Variants in DNAH10 observed in about 807,000 individuals in gnomAD.
The protein encoded by DNAH10 is axonemal beta dynein heavy chain 10.
Under a neutral mutation model 506.6 loss-of-function variants are expected in DNAH10, and 348 were observed. The observed-to-expected ratio is 0.69, with a 90% CI of 0.63 to 0.75. DNAH10 has a LOEUF of 0.75. Ranked by LOEUF, DNAH10 falls within the 30% of genes least tolerant of loss-of-function variation. The pLI is 0.00. For synonymous variants in DNAH10, 2,059 were observed against 2,198.6 expected, an observed-to-expected ratio of 0.94 and a Z score of 1.78; for missense variants, 5,179 against 5,787.1, an observed-to-expected ratio of 0.89 and a Z score of 3.41.
intron 34 of DNAH10, 143 bp downstream of exon 34, chr12:123,849,025 G>A (rs1951062904): frequency 1.9e-6 from 2 of 1,057,804 alleles, no homozygotes; most frequent in Non-Finnish European, 2.7e-6. Context: ...TTTTCCAATT[G>A]AGATGATTGG....
At chr12:123,843,069 A>G (rs1157835158) in intron 30 of DNAH10, among the ~76,000 whole-genome samples, 1 of 152,248 alleles carries the variant, frequency 6.6e-6, no homozygotes, top group East Asian at 1.9e-4. Context: ...TTTTCACGAT[A>G]GCTACCACTT....
chr12:123,802,234 A>G (rs1249383075), intron 16 of DNAH10, among the ~76,000 whole-genome samples: 2 of 152,190 alleles, frequency 1.3e-5, no homozygotes, highest in Non-Finnish European at 2.9e-5. Context: ...AGGAGTCTTC[A>G]CTTTTTCTGG....
At chr12:123,796,129 G>A (rs1958267667) in intron 12 of DNAH10, among the ~76,000 whole-genome samples, 4 of 152,088 alleles carry the variant, frequency 2.6e-5, no homozygotes, top group African/African-American at 7.2e-5. Context: ...CTCTGTAATT[G>A]TAAGGCAATT....
chr12:123,856,671 T>C (rs1285721239), intron 36 of DNAH10, among the ~76,000 whole-genome samples: 1 of 149,104 alleles, frequency 6.7e-6, no homozygotes, highest in Non-Finnish European at 1.5e-5. Flanking sequence ...ACATATTATA[T>C]GAAATATATG....
At chr12:123,934,306 C>T in intron 77 of DNAH10, 3 of 688,442 alleles carry the variant, frequency 4.4e-6, no homozygotes, top group South Asian at 1.5e-5. Context: ...TCTTTCTAGC[C>T]TGGGGGCCCA....
At chr12:123,921,690 A>ATTTTTTT (rs1566107321) in intron 65 of DNAH10, among the ~76,000 whole-genome samples, 19 of 98,268 alleles carry the variant, frequency 1.9e-4, no homozygotes, top group African/African-American at 7.2e-4. Flanking sequence ...TGTAGCTTGC[A>ATTTTTTT]GTTTTTTTTT....
chr12:123,814,776 G>A (rs1263818827), intron 21 of DNAH10, among the ~76,000 whole-genome samples: 2 of 151,818 alleles, frequency 1.3e-5, no homozygotes, highest in East Asian at 1.9e-4. Flanking sequence ...CACCACACCC[G>A]GCTAATTATT....
Position 123,857,248 on chromosome 12 carries a change from G to A in DNAH10, c.6630+1G>A. The A allele has an allele frequency of 6.5e-7, 1 of 1,542,698 alleles. No homozygotes were observed. Among genetic ancestry groups the A allele is most frequent in the South Asian group, 1.2e-5 (1 of 80,968 alleles). ...CGGCTACGCGGTCCTACCCATCCAG[G>A]TAAAGCCAGGAAAATGACCTCACTG... is the stretch of plus-strand genomic sequence containing the variant. On this transcript the variant is annotated splice_donor_variant, in intron 37 of 78. Transcript: ENST00000673944. LOFTEE classifies it high-confidence loss of function.
intron 6 of DNAH10, 124 bp downstream of exon 6, chr12:123,781,423 C>T (rs1364499126): frequency 2.1e-5 from 20 of 933,146 alleles, no homozygotes; most frequent in Non-Finnish European, 2.9e-5. Flanking sequence ...TTTGTGGAGA[C>T]GGGGTCTCAC....
At chr12:123,788,917 C>A (rs1555216649) in intron 10 of DNAH10, among the ~76,000 whole-genome samples, 1 of 141,726 alleles carries the variant, frequency 7.1e-6, no homozygotes, top group Non-Finnish European at 1.5e-5. Context: ...AGAGTGAGAC[C>A]TTGCTTCAAA....
At chr12:123,923,953 A>G (rs1954833856) in intron 66 of DNAH10, 86 bp downstream of exon 66, 1 of 1,047,760 alleles carries the variant, frequency 9.5e-7, no homozygotes, top group Non-Finnish European at 1.4e-6. Flanking sequence ...ACAAACAATA[A>G]CAAAAATTCT....
rs144536884 is a variant in DNAH10 at position 123,884,178 on chromosome 12, G to A, written c.8823+2365G>A. Among the ~76,000 whole-genome samples, 1,162 of 152,294 alleles carry A rather than the reference G, an allele frequency of 7.6e-3. 18 individuals are homozygous for A. The highest frequency in any genetic ancestry group is 0.011 in the Non-Finnish European group (747 of 68,008). On this transcript the variant is annotated intron_variant, in intron 51 of 78. Transcript: ENST00000673944. ...GCCTCCTGAGTAGCTGGGATTACAGGCATGTGCCACCACGCCCGGCTAACT... is the reference window on the plus strand; with the variant it reads ...GCCTCCTGAGTAGCTGGGATTACAGACATGTGCCACCACGCCCGGCTAACT...
chr12:123,841,790 A>T (rs536592113), intron 30 of DNAH10, among the ~76,000 whole-genome samples: 1 of 152,226 alleles, frequency 6.6e-6, no homozygotes, highest in South Asian at 2.1e-4. Flanking sequence ...GGTTCAAGAG[A>T]TTCTCCCACC....
chr12:123,841,257 G>A (rs1565977061), intron 29 of DNAH10, 65 bp from the exon 30 acceptor site: 8 of 1,550,764 alleles, frequency 5.2e-6, no homozygotes, highest in East Asian at 4.5e-5. Context: ...ATGGAGCACC[G>A]CTGGCTGGTC....
intron 44 of DNAH10, among the ~76,000 whole-genome samples, chr12:123,871,238 C>T (rs1054990558): frequency 6.6e-6 from 1 of 152,154 alleles, no homozygotes; most frequent in Non-Finnish European, 1.5e-5. Context: ...CCGGCTTGGG[C>T]GTTCTAACCC....
chr12:123,824,308 A>G (rs997668311), intron 24 of DNAH10, among the ~76,000 whole-genome samples: 5 of 152,120 alleles, frequency 3.3e-5, no homozygotes, highest in Non-Finnish European at 5.9e-5. Flanking sequence ...AGGTTTGGGG[A>G]CGATGGTGAA....
chr12:123,765,644 T>C (rs1412134786), intron 1 of DNAH10, among the ~76,000 whole-genome samples: 2 of 152,122 alleles, frequency 1.3e-5, no homozygotes. Context: ...CCTGTCTACC[T>C]ACCTACCTAT....
In DNAH10 at chr12:123,788,016, G is replaced by T. The variant is rs1264526903; in HGVS notation, c.1620+14G>T. On this transcript the variant is annotated intron_variant, in intron 10 of 78. Transcript: ENST00000673944. ...GACGTTCTGCAGGTAGGGGCTGGGC[G>T]AAGGCCGGCGGAATTTGCCCCGAAG... is the stretch of plus-strand genomic sequence containing the variant. 1.3e-6 allele frequency: 2 copies of T among 1,554,932 alleles called. No homozygotes were observed. Among genetic ancestry groups the T allele is most frequent in the Non-Finnish European group, 1.7e-6 (2 of 1,148,748 alleles).
chr12:123,893,566 G>A, intron 53 of DNAH10, 130 bp downstream of exon 53: 1 of 1,021,364 alleles, frequency 9.8e-7, no homozygotes, highest in Non-Finnish European at 1.4e-6. Flanking sequence ...GGAAATGTGG[G>A]CTCTGCACTG....
Sources: allele counts gnomAD v4.1 joint callset (sites outside exome capture counted in the v4.1 genomes callset), GRCh38; gene constraint gnomAD v4.1.1; transcripts MANE v1.5; gene names NCBI Gene and HGNC (gene_info 2026-07-23, HGNC 2026-07-21).